Variants in ASTN1 observed in about 807,000 individuals in gnomAD.
The protein encoded by ASTN1 is astrotactin 1.
A neutral mutation model predicts 140.7 loss-of-function variants in ASTN1; 41 were observed. The ratio of observed to expected loss-of-function variants is 0.29; its 90% confidence interval spans 0.23 to 0.38. ASTN1 has a LOEUF of 0.38. ASTN1 is among the 10% of genes least tolerant of loss of function. ASTN1 has a pLI of 1.00. For missense variants in ASTN1, 1,479 were observed against 1,678.8 expected (o/e 0.88, Z 2.08); for synonymous variants, 640 against 652.2 (o/e 0.98, Z 0.29).
intron 11 of ASTN1, 50 bp downstream of exon 11, chr1:176,957,628 T>A: frequency 6.2e-7 from 1 of 1,602,862 alleles, no homozygotes; most frequent in Non-Finnish European, 8.5e-7. Context: ...CCCCCGTGCC[T>A]TTCCTCCCCA....
chr1:176,955,456 G>A (rs1420883744), intron 11 of ASTN1, among the ~76,000 whole-genome samples: 4 of 152,158 alleles, frequency 2.6e-5, no homozygotes, highest in Non-Finnish European at 5.9e-5. Context: ...CAGCCAATGA[G>A]AAAAAGGAAA....
At chr1:177,148,449 A>C (rs1682818516) in intron 1 of ASTN1, among the ~76,000 whole-genome samples, 1 of 151,762 alleles carries the variant, frequency 6.6e-6, no homozygotes, top group Non-Finnish European at 1.5e-5. Context: ...TTTTCAAAGT[A>C]ATATGAGGTT....
intron 2 of ASTN1, among the ~76,000 whole-genome samples, chr1:177,033,060 C>A (rs867949411): frequency 6.6e-6 from 1 of 151,618 alleles, no homozygotes; most frequent in African/African-American, 2.4e-5. Flanking sequence ...GCTGGGATGA[C>A]CAGTGCATCA....
intron 1 of ASTN1, among the ~76,000 whole-genome samples, chr1:177,098,229 T>G (rs1680124706): frequency 6.6e-6 from 1 of 151,948 alleles, no homozygotes; most frequent in South Asian, 2.1e-4. Context: ...CTCCAGGTAG[T>G]TAGAGTCAGA....
In ASTN1 at chr1:176,861,320, AG is replaced by A. The variant is rs1044026395; in HGVS notation, c.*2963del. ...GAAAACGATTGCACACTCAATTAAA[AG>A]TCTAATGCTATTACAGTGGTTCATG... On this transcript the variant is annotated 3_prime_UTR_variant, in exon 23 of 23. Transcript: ENST00000361833. 17 of 985,784 alleles carry A rather than the reference AG, an allele frequency of 1.7e-5. No individual in the cohort carries two copies. The African/African-American group carries it at 2.8e-4, about 16-fold the overall frequency. 61.1% of individuals were successfully genotyped at this position (985,784 alleles called of 1,614,324 possible).
chr1:177,000,776 T>C (rs757956793), intron 8 of ASTN1, among the ~76,000 whole-genome samples: 8 of 152,216 alleles, frequency 5.3e-5, no homozygotes, highest in Non-Finnish European at 1.2e-4. Flanking sequence ...ATTACAATGA[T>C]GGAATGAGTT....
intron 1 of ASTN1, among the ~76,000 whole-genome samples, chr1:177,091,855 G>A (rs375840859): frequency 3.9e-5 from 6 of 151,998 alleles, no homozygotes; most frequent in African/African-American, 7.2e-5. Flanking sequence ...GTTGTAGCAC[G>A]TATCGGCACT....
At chr1:177,015,212 T>C (rs985310751) in intron 7 of ASTN1, among the ~76,000 whole-genome samples, 9 of 152,218 alleles carry the variant, frequency 5.9e-5, no homozygotes, top group African/African-American at 9.6e-5. Flanking sequence ...ATGCCCAGTA[T>C]ACTACAAGGC....
chr1:176,881,733 G>A (rs1668807169), intron 20 of ASTN1, among the ~76,000 whole-genome samples: 1 of 152,176 alleles, frequency 6.6e-6, no homozygotes, highest in African/African-American at 2.4e-5. Flanking sequence ...TGTCACTTGT[G>A]TTTATGTACT....
chr1:177,103,971 C>A (rs1331536242), intron 1 of ASTN1, among the ~76,000 whole-genome samples: 2 of 152,140 alleles, frequency 1.3e-5, no homozygotes, highest in African/African-American at 4.8e-5. Context: ...GAAATCCAAA[C>A]CATGGTGCTG....
chr1:177,108,781 T>C (rs189137932), intron 1 of ASTN1, among the ~76,000 whole-genome samples: 3 of 152,182 alleles, frequency 2.0e-5, no homozygotes, highest in Non-Finnish European at 1.5e-5. Context: ...GTGAGATAGA[T>C]AAATATTCAT....
intron 1 of ASTN1, among the ~76,000 whole-genome samples, chr1:177,071,973 A>G (rs571197308): frequency 9.2e-5 from 14 of 152,262 alleles, no homozygotes; most frequent in South Asian, 6.2e-4. Context: ...TCCTCTCTTC[A>G]TTCATCATTT....
intron 1 of ASTN1, among the ~76,000 whole-genome samples, chr1:177,090,970 A>C (rs1277830057): frequency 6.6e-6 from 1 of 152,186 alleles, no homozygotes; most frequent in Non-Finnish European, 1.5e-5. Flanking sequence ...AAATATTTAT[A>C]AGAAGCTGAA....
chr1:177,042,720 T>C (rs1447720105), intron 2 of ASTN1, among the ~76,000 whole-genome samples: 2 of 152,264 alleles, frequency 1.3e-5, no homozygotes, highest in Non-Finnish European at 2.9e-5. Flanking sequence ...CAAGTTTACA[T>C]AGTAGTATGA....
At chr1:176,953,595 C>T (rs1015011720) in intron 11 of ASTN1, among the ~76,000 whole-genome samples, 2 of 152,216 alleles carry the variant, frequency 1.3e-5, no homozygotes, top group Non-Finnish European at 2.9e-5. Flanking sequence ...GAGGCACACT[C>T]TTCTGCTTAC....
At chr1:177,152,901 T>A (rs1376694815) in intron 1 of ASTN1, among the ~76,000 whole-genome samples, 2 of 152,054 alleles carry the variant, frequency 1.3e-5, no homozygotes, top group African/African-American at 2.4e-5. Flanking sequence ...TAGAACAGAA[T>A]AAAAGCTCAG....
intron 16 of ASTN1, among the ~76,000 whole-genome samples, chr1:176,933,559 A>T (rs1430803514): frequency 6.6e-6 from 1 of 152,250 alleles, no homozygotes; most frequent in African/African-American, 2.4e-5. Flanking sequence ...CCAATTTCTT[A>T]TACTTACTTG....
chr1:176,906,783 G>C (rs1187408913), intron 16 of ASTN1, among the ~76,000 whole-genome samples: 1 of 151,550 alleles, frequency 6.6e-6, no homozygotes, highest in Non-Finnish European at 1.5e-5. Context: ...GAACCTGAGA[G>C]GCGGAGGTTG....
intron 16 of ASTN1, among the ~76,000 whole-genome samples, chr1:176,904,644 C>T (rs1571487671): frequency 6.6e-6 from 1 of 152,298 alleles, no homozygotes; most frequent in African/African-American, 2.4e-5. Flanking sequence ...GCTTCCTCCG[C>T]GCCCCCAGCC....
Sources: allele counts gnomAD v4.1 joint callset (sites outside exome capture counted in the v4.1 genomes callset), GRCh38; gene constraint gnomAD v4.1.1; transcripts MANE v1.5; gene names NCBI Gene and HGNC (gene_info 2026-07-23, HGNC 2026-07-21).